JAK2: variants seen among roughly 807,000 people sequenced by gnomAD.
The protein encoded by JAK2 is Janus kinase 2.
In JAK2, 86 loss-of-function variants were observed where a neutral mutation model predicts 139.3. That is an observed-to-expected ratio of 0.62 (90% CI 0.52 to 0.74). The LOEUF (loss-of-function observed/expected upper bound fraction) is 0.74, where lower values mean the gene tolerates loss of function less well. Among genes scored for constraint, JAK2 ranks in the 30% least tolerant of loss-of-function variants. The probability of loss-of-function intolerance (pLI) is 0.00; values close to 1 mark genes in which losing one functional copy is unlikely to be tolerated. For missense variants in JAK2, 1,421 were observed against 1,360.3 expected (o/e 1.04, Z -0.70); for synonymous variants, 490 against 437.7 (o/e 1.12, Z -1.49).
chr9:5,088,168 C>CAG (rs141943409), intron 19 of JAK2, among the ~76,000 whole-genome samples: 1,534 of 152,256 alleles, frequency 0.01, 17 homozygotes, highest in African/African-American at 0.035. Context: ...TCCGCGGTCA[C>CAG]AGAGAGAGCA....
intron 19 of JAK2, among the ~76,000 whole-genome samples, chr9:5,088,684 T>TG (rs1231797714): frequency 3.3e-5 from 5 of 152,242 alleles, no homozygotes; most frequent in African/African-American, 1.2e-4. Context: ...CTGGAAAGTC[T>TG]GAGATCAAAG....
intron 19 of JAK2, 83 bp from the exon 20 acceptor site, chr9:5,089,576 TAATTCCAGCTACTAG>T (rs1173493563): frequency 1.3e-5 from 3 of 234,820 alleles, no homozygotes; most frequent in Non-Finnish European, 2.5e-5. Flanking sequence ...GACAGTCTGC[TAATTCCAGCTACTAG>T]AATTTTCTAT....
At chr9:5,107,249 C>T (rs911947638) in intron 22 of JAK2, among the ~76,000 whole-genome samples, 6 of 152,050 alleles carry the variant, frequency 3.9e-5, no homozygotes, top group African/African-American at 1.5e-4. Flanking sequence ...GCCTTAGTAA[C>T]CGACACCTTA....
At chr9:5,047,570 T>C (rs1817098183) in intron 5 of JAK2, among the ~76,000 whole-genome samples, 2 of 152,250 alleles carry the variant, frequency 1.3e-5, no homozygotes, top group Admixed American at 1.3e-4. Flanking sequence ...GTGACTGTTT[T>C]TTATTTCCCT....
rs566471732 is a variant in JAK2, at chr9:5,068,559, C to T, written c.1327-463C>T. Among the ~76,000 whole-genome samples, 7 of 152,050 alleles carry T rather than the reference C, an allele frequency of 4.6e-5. No individual in the cohort carries two copies. In the South Asian group the frequency reaches 1.4e-3, roughly 31 times the overall value. On this transcript the variant is annotated intron_variant, in intron 10 of 24. Coordinates refer to ENST00000381652, the MANE Select transcript of JAK2 (RefSeq NM_004972.4). ...TATACATTCTTAGGTAGAAAGATAG[C>T]ATGAAGAATTATCAAGGCATGAAGC...
intron 2 of JAK2, among the ~76,000 whole-genome samples, chr9:5,006,766 C>T (rs188333770): frequency 2.0e-4 from 30 of 152,306 alleles, no homozygotes; most frequent in Admixed American, 1.0e-3. Flanking sequence ...GGCCACTCCT[C>T]TAACACTGAA....
At chr9:5,029,982 C>A (rs1587847165) in intron 4 of JAK2, 76 bp downstream of exon 4, 1 of 1,336,516 alleles carries the variant, frequency 7.5e-7, no homozygotes. Flanking sequence ...TTTTTAATTG[C>A]AAGGTACTTA....
intron 2 of JAK2, among the ~76,000 whole-genome samples, chr9:5,017,007 A>G (rs1225876597): frequency 6.6e-6 from 1 of 152,218 alleles, no homozygotes; most frequent in Non-Finnish European, 1.5e-5. Context: ...AAGAATCTAC[A>G]TCAAAACCTT....
At chr9:5,095,531 T>C (rs1820922998) in intron 22 of JAK2, among the ~76,000 whole-genome samples, 2 of 152,016 alleles carry the variant, frequency 1.3e-5, no homozygotes, top group African/African-American at 4.8e-5. Flanking sequence ...ACAGCCCTAG[T>C]AATAAAGCTA....
intron 2 of JAK2, among the ~76,000 whole-genome samples, chr9:4,997,952 T>G (rs1820678553): frequency 6.6e-6 from 1 of 152,186 alleles, no homozygotes; most frequent in African/African-American, 2.4e-5. Flanking sequence ...ATGATAATCT[T>G]TAAATAATTA....
At chr9:5,086,470 C>CTTAT (rs1427670344) in intron 19 of JAK2, among the ~76,000 whole-genome samples, 3 of 152,146 alleles carry the variant, frequency 2.0e-5, no homozygotes, top group African/African-American at 7.2e-5. Context: ...GAATATGATT[C>CTTAT]TTATTTTCCT....
chr9:5,090,926 G>A lies in JAK2; in HGVS notation c.3059+15G>A. 6.6e-7 allele frequency: 1 copy of A among 1,511,924 alleles called. No homozygotes were observed. Among genetic ancestry groups the A allele is most frequent in the Non-Finnish European group, 8.9e-7 (1 of 1,121,444 alleles). 93.7% of individuals were successfully genotyped at this position (1,511,924 alleles called of 1,614,324 possible). On this transcript the variant is annotated intron_variant, in intron 22 of 24. Coordinates refer to ENST00000381652, the MANE Select transcript of JAK2 (RefSeq NM_004972.4). ...CCCATATTCTGGTGAGTATATTTCA[G>A]TATGATAAATGAAATTTTAGAGCAC...
At chr9:5,031,355 A>C (rs1410945502) in intron 4 of JAK2, among the ~76,000 whole-genome samples, 1 of 152,226 alleles carries the variant, frequency 6.6e-6, no homozygotes, top group Non-Finnish European at 1.5e-5. Flanking sequence ...ACATAATTAA[A>C]TTCAGAATCA....
In JAK2 at chr9:5,122,992, A is replaced by G. The variant is rs1299460315; in HGVS notation, c.3060-12A>G. ...AGTAACTGTCTTTTAAATGTTATTCATATATTTACAGGTATGCTCCAGAAT... is the reference window on the plus strand; with the variant it reads ...AGTAACTGTCTTTTAAATGTTATTCGTATATTTACAGGTATGCTCCAGAAT... On this transcript the variant is annotated splice_polypyrimidine_tract_variant and intron_variant, in intron 22 of 24. Transcript: ENST00000381652. 1.9e-6 allele frequency: 3 copies of G among 1,545,246 alleles called. No individual in the cohort carries two copies. The African/African-American group carries it at 4.1e-5, about 21-fold the overall frequency.
In JAK2 at chr9:5,021,650, A is replaced by T. The variant is rs148148112; in HGVS notation, c.-25-313A>T. Among the ~76,000 whole-genome samples the T allele has an allele frequency of 8.5e-3, 1,295 of 152,292 alleles. 17 individuals carry two copies. Among genetic ancestry groups the T allele is most frequent in the African/African-American group, 0.03 (1,231 of 41,554 alleles). ...TTATTTATGTATTCATTTTTGAGACAGGGTCTTGCTGTGTCACCCAGACTG... is the reference window on the plus strand; with the variant it reads ...TTATTTATGTATTCATTTTTGAGACTGGGTCTTGCTGTGTCACCCAGACTG... On this transcript the variant is annotated intron_variant, in intron 2 of 24. Transcript: ENST00000381652.
At chr9:5,077,387 T>A (rs1397166908) in intron 14 of JAK2, 66 bp from the exon 15 acceptor site, 1 of 565,978 alleles carries the variant, frequency 1.8e-6, no homozygotes, top group East Asian at 4.1e-5. Context: ...TATAAAGATT[T>A]AAATTACATA....
intron 18 of JAK2, 52 bp from the exon 19 acceptor site, chr9:5,081,673 C>A: frequency 7.4e-7 from 1 of 1,348,608 alleles, no homozygotes; most frequent in Non-Finnish European, 1.1e-6. Context: ...TCAGTTTAGT[C>A]CAGAGAATGT....
intron 22 of JAK2, chr9:5,108,571 C>G (rs1822165951): frequency 1.3e-5 from 2 of 152,018 alleles, no homozygotes; most frequent in Non-Finnish European, 2.9e-5. Flanking sequence ...CTGTGACTCC[C>G]AAAAGCCCAT....
chr9:5,099,738 T>C (rs1821317464), intron 22 of JAK2: 1 of 152,170 alleles, frequency 6.6e-6, no homozygotes, highest in Non-Finnish European at 1.5e-5. Flanking sequence ...TAATTACCCA[T>C]AACATTAAAG....
Sources: gnomAD v4.1 joint callset for allele counts (sites outside exome capture counted in the v4.1 genomes callset) on GRCh38, gnomAD v4.1.1 for gene constraint, MANE v1.5 for transcripts, NCBI Gene and HGNC (gene_info 2026-07-23, HGNC 2026-07-21) for gene names.